Variants in CBFA2T2 observed in about 807,000 individuals in gnomAD.
CBFA2T2 encodes protein CBFA2T2.
Under a neutral mutation model 62.2 loss-of-function variants are expected in CBFA2T2, and 11 were observed. The ratio of observed to expected loss-of-function variants is 0.18; its 90% CI spans 0.11 to 0.29. The LOEUF (loss-of-function observed/expected upper bound fraction) is 0.29, where lower values mean the gene tolerates loss of function less well. Among genes scored for constraint, CBFA2T2 ranks in the 10% least tolerant of loss-of-function variants. The pLI is 1.00. For synonymous variants in CBFA2T2, 295 were observed against 287.5 expected, an observed-to-expected ratio of 1.03 and a Z score of -0.27; for missense variants, 592 against 774.1, an observed-to-expected ratio of 0.76 and a Z score of 2.79.
At chr20:33,600,674 G>T (rs2015096615) in intron 1 of CBFA2T2, among the ~76,000 whole-genome samples, 1 of 152,076 alleles carries the variant, frequency 6.6e-6, no homozygotes, top group Non-Finnish European at 1.5e-5. Context: ...AGCCTTTCCA[G>T]CAAACACCTT....
At position 33,498,500 on chromosome 20, in the gene CBFA2T2, A is replaced by G. The variant is rs142694196; in HGVS notation, c.34+8199A>G. Among the ~76,000 whole-genome samples, 850 of 150,512 alleles carry G rather than the reference A, an allele frequency of 5.6e-3. 5 individuals carry two copies. The highest frequency in any genetic ancestry group is 0.019 in the African/African-American group (794 of 41,052). On this transcript the variant is annotated intron_variant, in intron 1 of 10. Transcript: ENST00000342704. ...ACTCCTGACCTCAGGTCATCTGCCC[A>G]CCTCGGCCTCCCAAAGTGCTGGGAT...
intron 8 of CBFA2T2, among the ~76,000 whole-genome samples, chr20:33,635,425 G>C (rs2016599865): frequency 6.6e-6 from 1 of 152,198 alleles, no homozygotes; most frequent in Non-Finnish European, 1.5e-5. Flanking sequence ...GCTGGTGAAG[G>C]AGAGCCCCAA....
chr20:33,514,206 GTTTT>G (rs1196003433), intron 1 of CBFA2T2, among the ~76,000 whole-genome samples: 1 of 53,330 alleles, frequency 1.9e-5, no homozygotes, highest in Non-Finnish European at 3.5e-5. Context: ...CCCTGCCTTT[GTTTT>G]TTTTTTTTTT....
At chr20:33,594,654 C>T (rs1052338718) in intron 1 of CBFA2T2, among the ~76,000 whole-genome samples, 4 of 152,208 alleles carry the variant, frequency 2.6e-5, no homozygotes, top group Non-Finnish European at 4.4e-5. Flanking sequence ...AAATTGATAG[C>T]GTTTTTCCCT....
At chr20:33,641,344 A>G (rs1191218156) in intron 10 of CBFA2T2, among the ~76,000 whole-genome samples, 1 of 152,198 alleles carries the variant, frequency 6.6e-6, no homozygotes, top group African/African-American at 2.4e-5. Flanking sequence ...CTGATTGTCC[A>G]GGACCCAGGA....
intron 1 of CBFA2T2, among the ~76,000 whole-genome samples, chr20:33,551,088 A>G (rs1421857724): frequency 6.6e-6 from 1 of 152,198 alleles, no homozygotes; most frequent in Non-Finnish European, 1.5e-5. Flanking sequence ...GGAAGTGTTC[A>G]TAGTGAAAGA....
chr20:33,524,991 C>G (rs1032414388), intron 1 of CBFA2T2, among the ~76,000 whole-genome samples: 1 of 151,940 alleles, frequency 6.6e-6, no homozygotes, highest in Non-Finnish European at 1.5e-5. Flanking sequence ...TGTGGCACCA[C>G]GCCTGGCTAA....
intron 1 of CBFA2T2, among the ~76,000 whole-genome samples, chr20:33,548,310 A>G (rs1046942648): frequency 6.6e-5 from 10 of 151,478 alleles, no homozygotes; most frequent in East Asian, 1.9e-4. Flanking sequence ...CAGTCACGCA[A>G]TCGGCTCACT....
intron 1 of CBFA2T2, among the ~76,000 whole-genome samples, chr20:33,571,011 C>T (rs1345733062): frequency 6.6e-6 from 1 of 152,212 alleles, no homozygotes; most frequent in Non-Finnish European, 1.5e-5. Flanking sequence ...CTCTGTTCTT[C>T]ATGTCTAAAG....
At chr20:33,585,469 TG>T (rs2014322786) in intron 1 of CBFA2T2, among the ~76,000 whole-genome samples, 2 of 152,206 alleles carry the variant, frequency 1.3e-5, no homozygotes, top group African/African-American at 4.8e-5. Flanking sequence ...GTTGAATGAA[TG>T]ATCCTTCATA....
intron 1 of CBFA2T2, among the ~76,000 whole-genome samples, chr20:33,529,001 G>A (rs1257133206): frequency 1.3e-5 from 2 of 151,984 alleles, no homozygotes; most frequent in East Asian, 1.9e-4. Flanking sequence ...TTTGCACTAC[G>A]CGTGGACCAG....
intron 1 of CBFA2T2, among the ~76,000 whole-genome samples, chr20:33,551,107 A>G (rs528994638): frequency 6.0e-4 from 92 of 152,282 alleles, no homozygotes; most frequent in African/African-American, 2.2e-3. Flanking sequence ...GAAGGAAATC[A>G]GTTGGTGGTC....
chr20:33,512,750 C>CTT (rs1219735208), intron 1 of CBFA2T2, among the ~76,000 whole-genome samples: 176 of 137,240 alleles, frequency 1.3e-3, no homozygotes, highest in African/African-American at 4.4e-3. Flanking sequence ...GTATGTATGT[C>CTT]TTTTTTTTTT....
At chr20:33,550,833 G>A (rs1445401610) in intron 1 of CBFA2T2, among the ~76,000 whole-genome samples, 1 of 152,044 alleles carries the variant, frequency 6.6e-6, no homozygotes, top group Non-Finnish European at 1.5e-5. Flanking sequence ...CCTTGCCCAG[G>A]CTGGTCTCCA....
intron 2 of CBFA2T2, among the ~76,000 whole-genome samples, chr20:33,607,963 C>T (rs1170201416): frequency 1.3e-5 from 2 of 152,202 alleles, no homozygotes; most frequent in Non-Finnish European, 1.5e-5. Context: ...TACCATTATA[C>T]ACCCACCAGG....
Position 33,642,105 on chromosome 20 carries a change from CTTT to C in CBFA2T2, c.1488+1584_1488+1586del, listed in dbSNP as rs576434212. Among the ~76,000 whole-genome samples the C allele has an allele frequency of 9.9e-4, 73 of 73,954 alleles. 1 individual carries two copies. Among genetic ancestry groups the C allele is most frequent in the African/African-American group, 2.7e-3 (56 of 20,602 alleles). The allele number at this position is 73,954 out of a possible 152,430, so 48.5% of individuals were successfully genotyped here. ...TTTTCGTTCTCTCCTCCTCCTTTGT[CTTT>C]TTTTTTTTTGTGTGTGTGTGTGTGT... On this transcript the variant is annotated intron_variant, in intron 10 of 10. Transcript: ENST00000342704.
intron 1 of CBFA2T2, among the ~76,000 whole-genome samples, chr20:33,494,257 ATATATATATATATATATTTTTT>A (rs1193288348): frequency 2.8e-5 from 2 of 70,424 alleles, no homozygotes; most frequent in African/African-American, 1.2e-4. Context: ...ATATATATAT[ATATATATATATATATATTTTTT>A]TTTTTTTTTT....
At chr20:33,493,069 T>TG (rs2011160741) in intron 1 of CBFA2T2, among the ~76,000 whole-genome samples, 1 of 113,936 alleles carries the variant, frequency 8.8e-6, no homozygotes, top group African/African-American at 3.8e-5. Flanking sequence ...GAAGTTTTGG[T>TG]TTTTTTTTTT....
chr20:33,524,493 C>A (rs867029489), intron 1 of CBFA2T2, among the ~76,000 whole-genome samples: 2 of 151,982 alleles, frequency 1.3e-5, no homozygotes, highest in African/African-American at 4.8e-5. Flanking sequence ...ACATTTCTCC[C>A]GCTTTGTAGT....
Sources: allele counts gnomAD v4.1 joint callset (sites outside exome capture counted in the v4.1 genomes callset), GRCh38; gene constraint gnomAD v4.1.1; transcripts MANE v1.5; gene names NCBI Gene and HGNC (gene_info 2026-07-23, HGNC 2026-07-21).